CLIC5: variants seen among roughly 807,000 people sequenced by gnomAD.
The protein encoded by CLIC5 is CLIC family member 5.
A neutral mutation model predicts 24.7 loss-of-function variants in CLIC5; 20 were observed. The ratio of observed to expected loss-of-function variants is 0.81; its 90% confidence interval spans 0.57 to 1.18. CLIC5 has a LOEUF of 1.18. Among genes scored for constraint, CLIC5 ranks in the 50% most tolerant of loss-of-function variants. The probability of loss-of-function intolerance (pLI) is 0.00; values close to 1 mark genes in which losing one functional copy is unlikely to be tolerated. For missense variants in CLIC5, 341 were observed against 326.1 expected (o/e 1.05, Z -0.35); for synonymous variants, 159 against 135.6 (o/e 1.17, Z -1.20).
intron 1 of CLIC5, among the ~76,000 whole-genome samples, chr6:46,012,132 T>G (rs1766830541): frequency 6.6e-6 from 1 of 152,256 alleles, no homozygotes; most frequent in African/African-American, 2.4e-5. Context: ...ATACCTGTGG[T>G]TCCAGCCTAA....
chr6:45,942,718 T>A (rs1438772588), intron 3 of CLIC5, among the ~76,000 whole-genome samples: 1 of 152,244 alleles, frequency 6.6e-6, no homozygotes, highest in East Asian at 1.9e-4. Flanking sequence ...TCTTTAATGC[T>A]TTTTTGTTAC....
At position 46,059,649 on chromosome 6, in the gene CLIC5, T is replaced by C. The variant is rs1159756847; in HGVS notation, c.540+20054A>G. Among the ~76,000 whole-genome samples the C allele has an allele frequency of 2.0e-5, 3 of 152,210 alleles. No individual in the cohort carries two copies. In the East Asian group the frequency reaches 5.8e-4, roughly 29 times the overall value. The stretch of plus-strand genomic sequence containing the variant: ...AACAAGCCTGTGAAGTGGGCATTAA[T>C]GTCCCATATTTTAGATGAGGAAAAG... On this transcript the variant is annotated intron_variant, in intron 1 of 5. Coordinates refer to the CLIC5 transcript ENST00000185206.
intron 1 of CLIC5, among the ~76,000 whole-genome samples, chr6:46,038,678 G>A (rs753983505): frequency 3.3e-5 from 5 of 152,164 alleles, no homozygotes; most frequent in African/African-American, 9.7e-5. Context: ...GAAAACCCAC[G>A]TGTCTGGAGA....
intron 1 of CLIC5, among the ~76,000 whole-genome samples, chr6:46,060,049 C>A (rs1309009317): frequency 1.3e-5 from 2 of 151,970 alleles, no homozygotes; most frequent in East Asian, 3.8e-4. Context: ...GTAGTTTTCC[C>A]AGCAAATATT....
chr6:46,049,079 T>A (rs1219038692), intron 1 of CLIC5, among the ~76,000 whole-genome samples: 3 of 152,196 alleles, frequency 2.0e-5, no homozygotes, highest in African/African-American at 7.2e-5. Context: ...AAGGCAGATT[T>A]GGGAAAGATA....
chr6:46,089,787 C>G, the CLIC5 span, among the ~76,000 whole-genome samples: 1 of 152,134 alleles, frequency 6.6e-6, no homozygotes, highest in African/African-American at 2.4e-5. Flanking sequence ...TGAGTAATTT[C>G]AACATGTGAG....
intron 4 of CLIC5, among the ~76,000 whole-genome samples, chr6:45,923,159 T>C (rs1358378201): frequency 6.6e-6 from 1 of 152,250 alleles, no homozygotes; most frequent in Non-Finnish European, 1.5e-5. Context: ...TAATGCTGAT[T>C]GTAGTTTATG....
intron 1 of CLIC5, among the ~76,000 whole-genome samples, chr6:46,033,191 A>T (rs112354909): frequency 6.6e-6 from 1 of 151,178 alleles, no homozygotes; most frequent in African/African-American, 2.4e-5. Context: ...GTTTCACCAT[A>T]TTGGCCAGGA....
intron 1 of CLIC5, among the ~76,000 whole-genome samples, chr6:46,041,240 G>C (rs1416168825): frequency 1.3e-5 from 2 of 152,106 alleles, no homozygotes; most frequent in Non-Finnish European, 2.9e-5. Context: ...TTTAATAAAG[G>C]TTTCATATTA....
the CLIC5 span, chr6:46,129,643 T>C: frequency 3.3e-5 from 5 of 152,236 alleles, no homozygotes; most frequent in Non-Finnish European, 2.9e-5. Context: ...GCAGCCAAAG[T>C]TGCTTTCTCC....
chr6:45,964,647 G>A (rs529541708), intron 1 of CLIC5, among the ~76,000 whole-genome samples: 35 of 152,186 alleles, frequency 2.3e-4, no homozygotes, highest in Non-Finnish European at 4.4e-4. Flanking sequence ...ATGACAGATT[G>A]CCTCAACAAC....
chr6:45,968,594 G>T (rs1042758729), intron 1 of CLIC5, among the ~76,000 whole-genome samples: 5 of 152,132 alleles, frequency 3.3e-5, no homozygotes, highest in Admixed American at 2.6e-4. Flanking sequence ...TCACAAAACT[G>T]CCTTAATTTC....
chr6:46,056,705 A>G (rs1322414368), intron 1 of CLIC5, among the ~76,000 whole-genome samples: 3 of 152,152 alleles, frequency 2.0e-5, no homozygotes, highest in Non-Finnish European at 2.9e-5. Flanking sequence ...ACTATGCACA[A>G]TGTACATGAA....
At chr6:45,917,040 G>A (rs560386766) in intron 4 of CLIC5, among the ~76,000 whole-genome samples, 2 of 152,298 alleles carry the variant, frequency 1.3e-5, no homozygotes, top group Non-Finnish European at 1.5e-5. Flanking sequence ...TGAGCCTTAA[G>A]CTTCAAGGTG....
chr6:45,903,260 AAC>A lies in CLIC5; in HGVS notation c.589-7_589-6del. On this transcript the variant is annotated splice_polypyrimidine_tract_variant and splice_region_variant and intron_variant, in intron 5 of 5. Transcript: ENST00000339561. ...GCGGTATTTCTTGGCCACAATCTAAAACAGAGATGGCAGGACAGAGGTGGTGT... is the reference window on the plus strand; with the variant it reads ...GCGGTATTTCTTGGCCACAATCTAAAAGAGATGGCAGGACAGAGGTGGTGT... The A allele has an allele frequency of 6.4e-7, 1 of 1,565,314 alleles. No homozygotes were observed. Among genetic ancestry groups the A allele is most frequent in the Non-Finnish European group, 8.7e-7 (1 of 1,155,858 alleles).
chr6:46,061,042 T>C (rs575909518), intron 1 of CLIC5, among the ~76,000 whole-genome samples: 1 of 152,156 alleles, frequency 6.6e-6, no homozygotes, highest in Non-Finnish European at 1.5e-5. Flanking sequence ...TTTGACATAT[T>C]AAAGAGAGAC....
chr6:45,938,257 G>A (rs1764009340), intron 4 of CLIC5, among the ~76,000 whole-genome samples: 1 of 152,202 alleles, frequency 6.6e-6, no homozygotes, highest in Non-Finnish European at 1.5e-5. Flanking sequence ...CCCGGGTCAG[G>A]GGCTGTGGGG....
At chr6:45,985,430 C>A (rs1765700973) in intron 1 of CLIC5, among the ~76,000 whole-genome samples, 1 of 152,162 alleles carries the variant, frequency 6.6e-6, no homozygotes, top group African/African-American at 2.4e-5. Context: ...CCCATAGGTA[C>A]CTTTCTGTAA....
intron 1 of CLIC5, among the ~76,000 whole-genome samples, chr6:45,973,434 A>G (rs927032674): frequency 7.2e-5 from 11 of 152,190 alleles, no homozygotes; most frequent in African/African-American, 2.7e-4. Flanking sequence ...CATTTTTTAA[A>G]ATGAACACCC....
Sources: allele counts gnomAD v4.1 joint callset (sites outside exome capture counted in the v4.1 genomes callset), GRCh38; gene constraint gnomAD v4.1.1; transcripts MANE v1.5; gene names NCBI Gene and HGNC (gene_info 2026-07-23, HGNC 2026-07-21).